The following PLEKHM1 variants were observed in gnomAD, a reference collection of about 807,000 sequenced individuals.
PLEKHM1 encodes pleckstrin homology domain-containing family M member 1.
PLEKHM1 carries 28 observed loss-of-function variants against 94.3 expected under a neutral mutation model. The observed-to-expected ratio is 0.30, with a 90% CI of 0.22 to 0.41. PLEKHM1 has a LOEUF of 0.41. PLEKHM1 is among the 10% of genes least tolerant of loss of function. The pLI is 1.00. For synonymous variants in PLEKHM1, 424 were observed against 581.2 expected (o/e 0.73, Z 3.89); for missense variants, 907 against 1,358.6 (o/e 0.67, Z 5.22).
chr17:45,466,206 A>G lies in PLEKHM1; in HGVS notation c.1308+2003T>C, dbSNP rs146474745. ...TGAGGCCAATCAGATATCCATATGG[A>G]AAAATATGAGGTTTGACTTCTAACA... On this transcript the variant is annotated intron_variant, in intron 5 of 11. Transcript: ENST00000430334. Among the ~76,000 whole-genome samples the G allele has an allele frequency of 8.5e-3, 1,297 of 152,314 alleles. 13 individuals carry two copies. Among genetic ancestry groups the G allele is most frequent in the African/African-American group, 0.029 (1,195 of 41,562 alleles).
At chr17:45,447,739 G>A (rs1445109500) in intron 8 of PLEKHM1, among the ~76,000 whole-genome samples, 2 of 152,150 alleles carry the variant, frequency 1.3e-5, no homozygotes, top group East Asian at 3.8e-4. Flanking sequence ...CAATCTTTGA[G>A]AGGGAGAGCG....
chr17:45,435,970 TG>T lies in PLEKHM1; in HGVS notation c.*1887del. ...CACGGCAGCAATTCCTTCAATACAT[TG>T]CAAAGACTCCTCAGGGCCAGAGCCC... On this transcript the variant is annotated 3_prime_UTR_variant, in exon 12 of 12. Coordinates refer to ENST00000430334, the MANE Select transcript of PLEKHM1 (RefSeq NM_014798.3). 2.2e-6 allele frequency: 1 copy of T among 456,660 alleles called. No individual in the cohort carries two copies. Among genetic ancestry groups the T allele is most frequent in the East Asian group, 6.9e-5 (1 of 14,398 alleles). 28.3% of individuals were successfully genotyped at this position (456,660 alleles called of 1,614,324 possible).
chr17:45,482,975 C>T (rs2052003014), intron 1 of PLEKHM1, among the ~76,000 whole-genome samples: 1 of 151,918 alleles, frequency 6.6e-6, no homozygotes, highest in Non-Finnish European at 1.5e-5. Context: ...GGGCTGGGTC[C>T]TGCAACACCC....
chr17:45,459,441 A>C (rs1460769563), intron 5 of PLEKHM1: 1 of 152,076 alleles, frequency 6.6e-6, no homozygotes, highest in Non-Finnish European at 1.5e-5. Flanking sequence ...CATGTTATAT[A>C]AGCATGTTTA....
At chr17:45,478,615 C>T (rs1255524145) in intron 2 of PLEKHM1, among the ~76,000 whole-genome samples, 1 of 152,094 alleles carries the variant, frequency 6.6e-6, no homozygotes, top group East Asian at 1.9e-4. Flanking sequence ...CAATAAACAC[C>T]CACACTGCTT....
chr17:45,461,156 G>A (rs866730292), intron 5 of PLEKHM1, among the ~76,000 whole-genome samples: 5 of 152,174 alleles, frequency 3.3e-5, no homozygotes, highest in South Asian at 2.1e-4. Context: ...CAAAGTGCTG[G>A]GATTGCAGGC....
rs557198602 is a variant in PLEKHM1 at position 45,462,250 on chromosome 17, C to T, written c.1309-3811G>A. Among the ~76,000 whole-genome samples the T allele has an allele frequency of 1.2e-3, 178 of 152,282 alleles. 2 individuals carry two copies. The highest frequency in any genetic ancestry group is 4.1e-3 in the African/African-American group (172 of 41,554). Reference sequence around the variant, plus strand: ...GGCCTTCAGAATTGGCAGGTGCTTCCCCCCTGCCAGTGACAGATGATGTGT... The same window carrying T: ...GGCCTTCAGAATTGGCAGGTGCTTCTCCCCTGCCAGTGACAGATGATGTGT... On this transcript the variant is annotated intron_variant, in intron 5 of 11. Transcript: ENST00000430334.
intron 6 of PLEKHM1, among the ~76,000 whole-genome samples, chr17:45,456,654 C>A (rs1398602944): frequency 6.6e-6 from 1 of 152,244 alleles, no homozygotes; most frequent in Non-Finnish European, 1.5e-5. Flanking sequence ...CGGGCTCTAC[C>A]CACACAACCC....
intron 5 of PLEKHM1, among the ~76,000 whole-genome samples, chr17:45,460,904 A>C (rs568038071): frequency 6.6e-6 from 1 of 151,968 alleles, no homozygotes; most frequent in Non-Finnish European, 1.5e-5. Flanking sequence ...ATTGTTGTTG[A>C]GACAGAGTCT....
rs759640600 is a variant in PLEKHM1 at position 45,437,469 on chromosome 17, C to T, written c.*389G>A. ...TTGAAATATGAATGGGAAAAACCCACCTTAAAAAACTAGACCTTTTAATCA... is the reference window on the plus strand; with the variant it reads ...TTGAAATATGAATGGGAAAAACCCATCTTAAAAAACTAGACCTTTTAATCA... On this transcript the variant is annotated 3_prime_UTR_variant, in exon 12 of 12. Coordinates refer to ENST00000430334, the MANE Select transcript of PLEKHM1 (RefSeq NM_014798.3). This position sits in a 1 kb window ranked among gnomAD's most constrained non-coding sequence, Gnocchi z 4.0. 1 of 483,348 alleles carries T rather than the reference C, an allele frequency of 2.1e-6. No homozygotes were observed. Among genetic ancestry groups the T allele is most frequent in the South Asian group, 1.5e-5 (1 of 64,738 alleles). The allele number at this position is 483,348 out of a possible 1,614,324, so 29.9% of individuals were successfully genotyped here.
intron 8 of PLEKHM1, among the ~76,000 whole-genome samples, chr17:45,446,929 C>T (rs1171552410): frequency 6.6e-6 from 1 of 152,194 alleles, no homozygotes; most frequent in Non-Finnish European, 1.5e-5. Context: ...AATTAAGGCT[C>T]ACGGGTTTGG....
chr17:45,481,753 C>G (rs975885004), intron 2 of PLEKHM1, among the ~76,000 whole-genome samples: 1 of 151,114 alleles, frequency 6.6e-6, no homozygotes, highest in Non-Finnish European at 1.5e-5. Flanking sequence ...GTGGCCAGGA[C>G]GGGGAAAGGC....
rs970878191 is a variant in PLEKHM1 at position 45,436,230 on chromosome 17, A to G, written c.*1628T>C. Reference sequence around the variant, plus strand: ...CTCCTGCCCACTCAGGGATGGGGCAATGAGGGCTCTGACTAGGCTGGGCTT... The same window carrying G: ...CTCCTGCCCACTCAGGGATGGGGCAGTGAGGGCTCTGACTAGGCTGGGCTT... On this transcript the variant is annotated 3_prime_UTR_variant, in exon 12 of 12. Transcript: ENST00000430334. The G allele has an allele frequency of 6.6e-6, 3 of 454,226 alleles. No homozygotes were observed. Among genetic ancestry groups the G allele is most frequent in the African/African-American group, 6.0e-5 (3 of 50,016 alleles). The allele number at this position is 454,226 out of a possible 1,614,324, so 28.1% of individuals were successfully genotyped here. A position where few individuals can be genotyped will look rare whatever the true frequency, so the allele number is the denominator to read the frequency against.
chr17:45,481,852 C>T (rs565204233), intron 2 of PLEKHM1, among the ~76,000 whole-genome samples: 58 of 152,170 alleles, frequency 3.8e-4, no homozygotes, highest in Non-Finnish European at 6.2e-4. Context: ...GGCTTCTCCC[C>T]GAAAGCCATC....
chr17:45,472,495 G>A (rs2145303546), intron 4 of PLEKHM1, among the ~76,000 whole-genome samples: 1 of 152,314 alleles, frequency 6.6e-6, no homozygotes, highest in Admixed American at 6.5e-5. Context: ...TGGCTGGCTG[G>A]TCTGCAGAGG....
intron 6 of PLEKHM1, chr17:45,454,493 GA>G (rs1268605625): frequency 1.6e-6 from 1 of 623,064 alleles, no homozygotes; most frequent in African/African-American, 1.8e-5. Flanking sequence ...ATTTCACTGA[GA>G]AAATAAGAGC....
chr17:45,476,021 T>C (rs970227626), intron 3 of PLEKHM1: 5 of 461,754 alleles, frequency 1.1e-5, no homozygotes, highest in Non-Finnish European at 2.0e-5. Flanking sequence ...CTTGCACGTG[T>C]AGTCCCAGCT....
chr17:45,439,139 C>T (rs534716113), intron 11 of PLEKHM1, among the ~76,000 whole-genome samples: 1 of 152,366 alleles, frequency 6.6e-6, no homozygotes, highest in African/African-American at 2.4e-5. Flanking sequence ...AGGGTGGTAA[C>T]TCATACAACC....
chr17:45,461,664 T>G (rs2051155398), intron 5 of PLEKHM1, among the ~76,000 whole-genome samples: 1 of 151,884 alleles, frequency 6.6e-6, no homozygotes. Flanking sequence ...GATGAGGGAG[T>G]CCTGGCGAGC....
Sources: allele counts gnomAD v4.1 joint callset (sites outside exome capture counted in the v4.1 genomes callset), GRCh38; gene constraint gnomAD v4.1.1; non-coding constraint Gnocchi (gnomAD v3.1); transcripts MANE v1.5; gene names NCBI Gene and HGNC (gene_info 2026-07-23, HGNC 2026-07-21).